CLK1: variants seen among roughly 807,000 people sequenced by gnomAD.
The protein encoded by CLK1 is dual specificity protein kinase CLK1.
In CLK1, 40 loss-of-function variants were observed where a neutral mutation model predicts 60.9. The observed-to-expected ratio is 0.66, with a 90% CI of 0.51 to 0.86. The LOEUF (loss-of-function observed/expected upper bound fraction) is 0.86. Ranked by LOEUF, CLK1 falls within the 40% of genes least tolerant of loss-of-function variation. The pLI is 0.00. For synonymous variants in CLK1, 203 were observed against 184.4 expected (o/e 1.10, Z -0.82); for missense variants, 563 against 606.1 (o/e 0.93, Z 0.75).
intron 3 of CLK1, chr2:200,860,697 A>T (rs1181213512): frequency 1.0e-6 from 1 of 998,118 alleles, no homozygotes; most frequent in African/African-American, 1.7e-5. Context: ...GGGGAAAAAA[A>T]GATTTGGCAT....
intron 5 of CLK1, 115 bp downstream of exon 5, chr2:200,859,565 G>A: frequency 1.4e-6 from 1 of 700,402 alleles, no homozygotes; most frequent in Non-Finnish European, 2.4e-6. Flanking sequence ...TTACATCCAA[G>A]TAAAAAAGGG....
chr2:200,857,198 C>A (rs1327689068), intron 7 of CLK1: 1 of 522,558 alleles, frequency 1.9e-6, no homozygotes, highest in Non-Finnish European at 3.4e-6. Context: ...CCTAGCTACT[C>A]GGGAGGCTGA....
At chr2:200,860,698 G>T (rs2039123524) in intron 3 of CLK1, 2 of 997,588 alleles carry the variant, frequency 2.0e-6, no homozygotes, top group Non-Finnish European at 2.4e-6. Context: ...GGGAAAAAAA[G>T]ATTTGGCATA....
chr2:200,864,338 G>C, intron 1 of CLK1: 1 of 1,362,900 alleles, frequency 7.3e-7, no homozygotes, highest in Non-Finnish European at 9.6e-7. Context: ...GGCCGGCCTA[G>C]CAAACACCGT....
In CLK1 at chr2:200,854,675, A is replaced by AT; in HGVS notation, c.1160dup (p.His387GlnfsTer24). Reference sequence around the variant, plus strand: ...CAAGAATCCTTTCCATCATTGCTAAATGCTCCTTACTATCGTGTGTCTAGA... The same window carrying AT: ...CAAGAATCCTTTCCATCATTGCTAAATTGCTCCTTACTATCGTGTGTCTAGA... On this transcript the variant is annotated frameshift_variant, in exon 11 of 13. Coordinates refer to ENST00000321356, the MANE Select transcript of CLK1 (RefSeq NM_004071.4). LOFTEE classifies it high-confidence loss of function. 6.2e-7 allele frequency: 1 copy of AT among 1,607,488 alleles called. No homozygotes were observed. The highest frequency in any genetic ancestry group is 8.5e-7 in the Non-Finnish European group (1 of 1,174,066).
chr2:200,864,021 A>C (rs901849006), intron 1 of CLK1: 1 of 1,437,720 alleles, frequency 7.0e-7, no homozygotes, highest in Non-Finnish European at 9.3e-7. Flanking sequence ...GGACAAAGCC[A>C]CTCGCGATGT....
chr2:200,864,304 G>T, intron 1 of CLK1: 1 of 1,468,298 alleles, frequency 6.8e-7, no homozygotes, highest in Non-Finnish European at 9.0e-7. Flanking sequence ...CTTCCTCAGC[G>T]GAGGGCAGAA....
At chr2:200,861,207 A>G in intron 3 of CLK1, 31 bp downstream of exon 3, 1 of 1,602,228 alleles carries the variant, frequency 6.2e-7, no homozygotes, top group Non-Finnish European at 8.5e-7. Context: ...TGGGATATAA[A>G]ATTTCCAAAA....
intron 9 of CLK1, among the ~76,000 whole-genome samples, chr2:200,855,734 C>T (rs1435138066): frequency 6.6e-6 from 1 of 151,928 alleles, no homozygotes; most frequent in Non-Finnish European, 1.5e-5. Context: ...TATGGCCGGG[C>T]GCAGTGGCTT....
At chr2:200,854,344 G>A (rs528515356) in intron 11 of CLK1, among the ~76,000 whole-genome samples, 1 of 152,138 alleles carries the variant, frequency 6.6e-6, no homozygotes, top group African/African-American at 2.4e-5. Flanking sequence ...GACCATCCTG[G>A]CTAACATGGT....
intron 5 of CLK1, among the ~76,000 whole-genome samples, chr2:200,858,853 A>G (rs2039088329): frequency 1.3e-5 from 2 of 151,794 alleles, no homozygotes; most frequent in African/African-American, 2.4e-5. Flanking sequence ...AAAAAAAAAG[A>G]GTAACGGAAA....
intron 8 of CLK1, 30 bp from the exon 9 acceptor site, chr2:200,856,841 C>T: frequency 1.2e-6 from 2 of 1,613,232 alleles, no homozygotes; most frequent in Non-Finnish European, 1.7e-6. Context: ...GTTAAGAAGG[C>T]ATAAGCTATT....
At chr2:200,863,680 T>A (rs558434690) in intron 1 of CLK1, among the ~76,000 whole-genome samples, 47 of 151,990 alleles carry the variant, frequency 3.1e-4, no homozygotes, top group Non-Finnish European at 6.3e-4. Context: ...ATGGTGAAAC[T>A]CTGTCTCTAC....
chr2:200,858,078 T>A lies in CLK1; in HGVS notation c.560A>T (p.His187Leu), dbSNP rs1356487684. ...ECIDHKAGGR[H>L]VAVKIVKNVD... The stretch of plus-strand genomic sequence containing the variant: ...ATTTTTAACTATTTTTACTGCTACA[T>A]GTCTACCTCCCCTGTTAGAAAGATG... The change falls in exon 6 of 13, where the codon CAT (histidine) becomes CTT (leucine). Residue 187 changes from histidine (H) to leucine (L), a missense_variant. His to Leu is a moderately conservative substitution (Grantham distance 99, BLOSUM62 -3). Around this residue, in one of 3 missense-constraint regions of CLK1, gnomAD observed 360 missense variants for 407.0 expected, o/e 0.88. Transcript: ENST00000321356. 1 of 1,607,656 alleles carries A rather than the reference T, an allele frequency of 6.2e-7. No homozygotes were observed. The highest frequency in any genetic ancestry group is 2.2e-5 in the East Asian group (1 of 44,840).
At chr2:200,864,273 G>A in intron 1 of CLK1, 8 of 1,494,248 alleles carry the variant, frequency 5.4e-6, no homozygotes, top group Non-Finnish European at 7.1e-6. Flanking sequence ...CCGCCCGACC[G>A]TCCCGCGTCA....
chr2:200,861,065 G>A (rs929496284), intron 3 of CLK1, 173 bp downstream of exon 3: 1 of 1,418,302 alleles, frequency 7.1e-7, no homozygotes, highest in Non-Finnish European at 9.2e-7. Context: ...AACTAAATGT[G>A]TACTTTATTT....
At chr2:200,854,869 G>A (rs1172251542) in intron 10 of CLK1, 135 bp downstream of exon 10, 1 of 784,528 alleles carries the variant, frequency 1.3e-6, no homozygotes, top group Non-Finnish European at 2.1e-6. Flanking sequence ...AAACAATTAT[G>A]AAAGAAATAT....
At chr2:200,860,791 C>G in intron 3 of CLK1, 1 of 1,023,022 alleles carries the variant, frequency 9.8e-7, no homozygotes, top group Non-Finnish European at 1.2e-6. Context: ...CAAATCTGTT[C>G]TGGTTTGCTT....
intron 1 of CLK1, 59 bp downstream of exon 1, chr2:200,864,505 C>T (rs1211966572): frequency 2.1e-5 from 9 of 420,184 alleles, no homozygotes; most frequent in Admixed American, 4.5e-5. Flanking sequence ...CATCGCCAGG[C>T]GCCCGCGAGG....
Sources: gnomAD v4.1 joint callset for allele counts (sites outside exome capture counted in the v4.1 genomes callset) on GRCh38, gnomAD v4.1.1 for gene constraint, gnomAD v4.1.1 regional missense constraint, MANE v1.5 for transcripts, NCBI Gene and HGNC (gene_info 2026-07-23, HGNC 2026-07-21) for gene names.